The following ZIM2 variants were observed in gnomAD, a reference collection of about 807,000 sequenced individuals.
ZIM2 encodes the protein zinc finger protein 656.
Under a neutral mutation model 38.6 loss-of-function variants are expected in ZIM2, and 14 were observed. That is an observed-to-expected ratio of 0.36 (90% CI 0.24 to 0.57). ZIM2 has a LOEUF of 0.57. Among genes scored for constraint, ZIM2 ranks in the 20% least tolerant of loss-of-function variants. The pLI, the probability that ZIM2 is intolerant of heterozygous loss-of-function variation, is 0.81. For missense variants in ZIM2, 680 were observed against 695.1 expected, an observed-to-expected ratio of 0.98 and a Z score of 0.24; for synonymous variants, 247 against 245.8, an observed-to-expected ratio of 1.00 and a Z score of -0.04.
intron 9 of ZIM2, among the ~76,000 whole-genome samples, chr19:56,792,528 C>A (rs12982749): frequency 2.5e-5 from 2 of 79,870 alleles, no homozygotes; most frequent in South Asian, 5.1e-4. Context: ...AAGACTCTGT[C>A]TCAAAAAAAA....
intron 1 of ZIM2, among the ~76,000 whole-genome samples, chr19:56,837,740 G>A (rs2062336340): frequency 6.6e-6 from 1 of 152,210 alleles, no homozygotes; most frequent in East Asian, 1.9e-4. Flanking sequence ...ACGGCTCTAC[G>A]GCCCTGCCTA....
intron 2 of ZIM2, among the ~76,000 whole-genome samples, chr19:56,827,669 T>C (rs2061179251): frequency 6.6e-6 from 1 of 152,226 alleles, no homozygotes; most frequent in Non-Finnish European, 1.5e-5. Context: ...TAATGACCTA[T>C]GTGCAAGAAT....
chr19:56,799,578 A>G (rs2047405004), intron 9 of ZIM2: 1 of 152,114 alleles, frequency 6.6e-6, no homozygotes, highest in Non-Finnish European at 1.5e-5. Flanking sequence ...AAACCTACAC[A>G]TCCTGCACAT....
At chr19:56,821,621 T>C in intron 7 of ZIM2, 30 bp downstream of exon 7, 5 of 1,611,236 alleles carry the variant, frequency 3.1e-6, no homozygotes, top group Non-Finnish European at 4.2e-6. Context: ...GAAGATGGCC[T>C]TTCTAGAAAG....
intron 9 of ZIM2, chr19:56,812,050 A>T: frequency 1.0e-6 from 1 of 983,948 alleles, no homozygotes; most frequent in Non-Finnish European, 1.2e-6. Context: ...ATTCAGACAC[A>T]TTTCCCCCAG....
intron 9 of ZIM2, among the ~76,000 whole-genome samples, chr19:56,809,091 C>T (rs2047924246): frequency 6.6e-6 from 1 of 152,238 alleles, no homozygotes; most frequent in East Asian, 1.9e-4. Flanking sequence ...GGTCAAACAA[C>T]CCCTAATGAC....
intron 9 of ZIM2, among the ~76,000 whole-genome samples, chr19:56,805,094 C>T (rs759823024): frequency 2.0e-5 from 3 of 152,186 alleles, no homozygotes; most frequent in Non-Finnish European, 4.4e-5. Flanking sequence ...AGCCTTGGCT[C>T]TACTGACATT....
At chr19:56,808,797 G>A (rs2047902464) in intron 9 of ZIM2, among the ~76,000 whole-genome samples, 1 of 152,182 alleles carries the variant, frequency 6.6e-6, no homozygotes, top group African/African-American at 2.4e-5. Context: ...GACTCCACAA[G>A]GCACTGGGGT....
chr19:56,840,502 C>G (rs1396905528), intron 1 of ZIM2, 80 bp downstream of exon 1: 1 of 152,294 alleles, frequency 6.6e-6, no homozygotes, highest in Non-Finnish European at 1.5e-5. Context: ...TGCGGCAAGA[C>G]GGCCACTCTG....
intron 9 of ZIM2, chr19:56,816,801 G>A: frequency 6.2e-7 from 1 of 1,614,092 alleles, no homozygotes; most frequent in Non-Finnish European, 8.5e-7. Flanking sequence ...TAAAGGTGGG[G>A]CTAGGCATGA....
Position 56,822,842 on chromosome 19 carries a change from C to A in ZIM2, c.107-6G>T. The A allele has an allele frequency of 1.2e-6, 2 of 1,612,508 alleles. No individual in the cohort carries two copies. Among genetic ancestry groups the A allele is most frequent in the Middle Eastern group, 1.7e-4 (1 of 6,060 alleles). ...CCGGTCCCAGTCCCGGTCACCTAAGCAGGTGAGACATTCCAGTGGTTAACA... is the reference window on the plus strand; with the variant it reads ...CCGGTCCCAGTCCCGGTCACCTAAGAAGGTGAGACATTCCAGTGGTTAACA... On this transcript the variant is annotated splice_region_variant and splice_polypyrimidine_tract_variant and intron_variant, in intron 5 of 12. Coordinates refer to ENST00000629319, the MANE Select transcript of ZIM2 (RefSeq NM_001387356.1).
At chr19:56,815,886 C>T (rs1309035576) in intron 9 of ZIM2, 8 of 1,613,048 alleles carry the variant, frequency 5.0e-6, no homozygotes, top group South Asian at 1.1e-5. Context: ...TAGATTCCAC[C>T]AATTCATTTC....
chr19:56,817,348 A>G (rs144422677), intron 9 of ZIM2: 2 of 1,613,816 alleles, frequency 1.2e-6, no homozygotes, highest in Non-Finnish European at 1.7e-6. Context: ...CCCTTCATAA[A>G]CCCGCTGCTG....
rs746835383 is a variant in ZIM2 at position 56,818,600 on chromosome 19, C to T, written c.397G>A (p.Gly133Arg). ...MENYRKLLSL[G>R]VQLAEDDGHS... ...GTGACTGAGAGAAGCAGCTGCTTAC[C>T]GAGGGAGAGCAGCTTCCTGTAGTTT... The change falls in exon 8 of 13, where the codon GGA becomes AGA. Residue 133 changes from glycine (G) to arginine (R), a missense_variant and splice_region_variant. Gly to Arg is a moderately radical substitution (Grantham distance 125, BLOSUM62 -2). Coordinates refer to ENST00000629319, the MANE Select transcript of ZIM2 (RefSeq NM_001387356.1). 8 of 1,613,940 alleles carry T rather than the reference C, an allele frequency of 5.0e-6. No homozygotes were observed. The highest frequency in any genetic ancestry group is 2.7e-5 in the African/African-American group (2 of 74,914).
chr19:56,823,816 A>C, intron 4 of ZIM2, 137 bp from the exon 5 acceptor site: 1 of 1,032,998 alleles, frequency 9.7e-7, no homozygotes, highest in Non-Finnish European at 1.5e-6. Context: ...CTGAGTTCAA[A>C]ACCCTTCAGC....
intron 2 of ZIM2, among the ~76,000 whole-genome samples, chr19:56,832,444 G>A (rs191307346): frequency 2.0e-5 from 3 of 152,294 alleles, no homozygotes; most frequent in Non-Finnish European, 4.4e-5. Flanking sequence ...CTGTCTAGCC[G>A]TCATATGGCT....
At chr19:56,802,164 G>A (rs1600801651) in intron 9 of ZIM2, among the ~76,000 whole-genome samples, 1 of 152,116 alleles carries the variant, frequency 6.6e-6, no homozygotes, top group Non-Finnish European at 1.5e-5. Context: ...ACAGGTCCTG[G>A]GGACTCCTCA....
At chr19:56,824,210 A>G in intron 4 of ZIM2, 52 bp downstream of exon 4, 1 of 1,582,484 alleles carries the variant, frequency 6.3e-7, no homozygotes, top group Non-Finnish European at 8.6e-7. Context: ...TGAGAGCCCC[A>G]GGGGACACCT....
intron 2 of ZIM2, among the ~76,000 whole-genome samples, chr19:56,828,220 C>CCCT (rs1308142904): frequency 6.6e-6 from 1 of 152,118 alleles, no homozygotes; most frequent in Non-Finnish European, 1.5e-5. Flanking sequence ...CATAGTCATA[C>CCCT]CCTAACCTGG....
Sources: gnomAD v4.1 joint callset for allele counts (sites outside exome capture counted in the v4.1 genomes callset) on GRCh38, gnomAD v4.1.1 for gene constraint, MANE v1.5 for transcripts, NCBI Gene and HGNC (gene_info 2026-07-23, HGNC 2026-07-21) for gene names.